The following RAI1 variants were observed in gnomAD, a reference collection of about 807,000 sequenced individuals.
RAI1 encodes retinoic acid induced 1.
Under a neutral mutation model 123.8 loss-of-function variants are expected in RAI1, and 9 were observed. The observed-to-expected ratio is 0.07, with a 90% CI of 0.04 to 0.13. The LOEUF (loss-of-function observed/expected upper bound fraction) is 0.13, where lower values mean the gene tolerates loss of function less well. Among genes scored for constraint, RAI1 ranks in the 10% least tolerant of loss-of-function variants. The pLI, the probability that RAI1 is intolerant of heterozygous loss-of-function variation, is 1.00. For synonymous variants in RAI1, 1,231 were observed against 1,127.3 expected (o/e 1.09, Z -1.84); for missense variants, 2,256 against 2,545.8 (o/e 0.89, Z 2.45).
chr17:17,721,034 TGTGAAGGGTA>T (rs1416024219), intron 1 of RAI1, among the ~76,000 whole-genome samples: 10 of 151,680 alleles, frequency 6.6e-5, no homozygotes, highest in African/African-American at 1.5e-4. Flanking sequence ...ATCTGGAATC[TGTGAAGGGTA>T]CTCACTGAGC....
At chr17:17,752,378 C>CG (rs1454999987) in intron 2 of RAI1, among the ~76,000 whole-genome samples, 2 of 152,084 alleles carry the variant, frequency 1.3e-5, no homozygotes, top group African/African-American at 4.8e-5. Context: ...GACCTGTGGG[C>CG]GGGGCCCCCG....
At chr17:17,756,745 C>T (rs769636040) in intron 2 of RAI1, among the ~76,000 whole-genome samples, 9 of 152,152 alleles carry the variant, frequency 5.9e-5, no homozygotes, top group Non-Finnish European at 8.8e-5. Flanking sequence ...GTGAAGCAGA[C>T]GCTTGAGTCG....
intron 1 of RAI1, among the ~76,000 whole-genome samples, chr17:17,687,529 A>C (rs1051205695): frequency 1.3e-5 from 2 of 152,002 alleles, no homozygotes; most frequent in African/African-American, 4.8e-5. Flanking sequence ...AATCCAGTGG[A>C]GCTTGGGTTC....
chr17:17,758,048 T>C (rs1185525040), intron 2 of RAI1, among the ~76,000 whole-genome samples: 1 of 152,214 alleles, frequency 6.6e-6, no homozygotes, highest in Non-Finnish European at 1.5e-5. Flanking sequence ...AGAGACATTA[T>C]AAATCAAACG....
intron 2 of RAI1, among the ~76,000 whole-genome samples, chr17:17,740,810 T>C (rs1334957335): frequency 6.6e-6 from 1 of 152,194 alleles, no homozygotes; most frequent in African/African-American, 2.4e-5. Flanking sequence ...GATCCCGTTT[T>C]GGTTTTCGCC....
intron 4 of RAI1, among the ~76,000 whole-genome samples, chr17:17,807,005 G>T (rs934583582): frequency 6.6e-6 from 1 of 152,084 alleles, no homozygotes; most frequent in South Asian, 2.1e-4. Flanking sequence ...AGATAGCTGG[G>T]CTCAGGATCG....
chr17:17,796,445 G>A lies in RAI1; in HGVS notation c.3497G>A (p.Gly1166Asp). The A allele has an allele frequency of 1.2e-6, 2 of 1,613,044 alleles. No homozygotes were observed. Residue 1166 changes from glycine to aspartate, a missense_variant, in exon 3 of 6, where the codon GGC becomes GAC. Gly to Asp is a moderately conservative substitution (Grantham distance 94). Coordinates refer to ENST00000353383, the MANE Select transcript of RAI1 (RefSeq NM_030665.4). This position sits in a 1 kb window ranked among gnomAD's most constrained non-coding sequence, Gnocchi z 5.8. ...FHSKRRRPSE[G>D]RLPNCRATKK... Reference sequence around the variant, plus strand: ...TCCAAGCGGCGGAGGCCCTCTGAGGGCCGGCTCCCCAACTGCCGTGCCACC... The same window carrying A: ...TCCAAGCGGCGGAGGCCCTCTGAGGACCGGCTCCCCAACTGCCGTGCCACC...
chr17:17,808,781 A>G (rs1351037397), intron 4 of RAI1, among the ~76,000 whole-genome samples: 1 of 152,156 alleles, frequency 6.6e-6, no homozygotes, highest in Non-Finnish European at 1.5e-5. Context: ...CTCAATCTCC[A>G]TGATAGGCAT....
At position 17,794,232 on chromosome 17, in the gene RAI1, G is replaced by A. The variant is rs113249215; in HGVS notation, c.1284G>A (p.Ser428=). The A allele has an allele frequency of 4.7e-5, 76 of 1,613,268 alleles. No individual in the cohort carries two copies. Among genetic ancestry groups the A allele is most frequent in the South Asian group, 4.1e-4 (37 of 91,090 alleles). The stretch of plus-strand genomic sequence containing the variant: ...ACAAGCTCCCTGAGAACCTGCTGTC[G>A]GATCTCAGCCTGCAGAGCCTCACGG... ...QKDKLPENLL[S]DLSLQSLTAL... is the part of the protein sequence containing the mutation. Residue 428 remains serine, a synonymous_variant, in exon 3 of 6, where the codon TCG becomes TCA. Transcript: ENST00000353383.
chr17:17,772,060 T>C (rs2031180705), intron 2 of RAI1, among the ~76,000 whole-genome samples: 2 of 152,158 alleles, frequency 1.3e-5, no homozygotes, highest in Admixed American at 6.5e-5. Context: ...CACCTAAGGG[T>C]ATTGACCCTG....
At chr17:17,742,249 C>G (rs1409348600) in intron 2 of RAI1, among the ~76,000 whole-genome samples, 1 of 152,236 alleles carries the variant, frequency 6.6e-6, no homozygotes, top group East Asian at 1.9e-4. Flanking sequence ...CTGTCCACTC[C>G]CAGCCCAGCC....
At chr17:17,782,428 C>A (rs1047796193) in intron 2 of RAI1, among the ~76,000 whole-genome samples, 5 of 151,654 alleles carry the variant, frequency 3.3e-5, no homozygotes, top group Admixed American at 2.6e-4. Flanking sequence ...GCGGGGTGCC[C>A]GCCTGCGCGC....
At chr17:17,686,954 G>A (rs576185393) in intron 1 of RAI1, among the ~76,000 whole-genome samples, 38 of 152,258 alleles carry the variant, frequency 2.5e-4, no homozygotes, top group Non-Finnish European at 3.8e-4. Flanking sequence ...CACCCTTGAA[G>A]TCTAGGGGCC....
At chr17:17,791,297 G>A (rs1286090208) in intron 2 of RAI1, among the ~76,000 whole-genome samples, 4 of 152,188 alleles carry the variant, frequency 2.6e-5, no homozygotes, top group Non-Finnish European at 5.9e-5. Flanking sequence ...GCCCTCTGTC[G>A]CCTTCCCTGC....
rs889923269 is a variant in RAI1 at position 17,800,826 on chromosome 17, C to CT, written c.5565+2315dup. Reference sequence around the variant, plus strand: ...TCACCACCCCTTCCTGCCTCAGTGGCTTGGGGGCGCCATGCTCCTTGGAGT... The same window carrying CT: ...TCACCACCCCTTCCTGCCTCAGTGGCTTTGGGGGCGCCATGCTCCTTGGAGT... On this transcript the variant is annotated intron_variant, in intron 3 of 5. Transcript: ENST00000353383. This position sits in a 1 kb window ranked among gnomAD's most constrained non-coding sequence, Gnocchi z 4.7. Among the ~76,000 whole-genome samples the CT allele has an allele frequency of 3.9e-5, 6 of 152,234 alleles. No individual in the cohort carries two copies. The highest frequency in any genetic ancestry group is 1.4e-4 in the African/African-American group (6 of 41,458).
At chr17:17,735,032 C>T (rs1160721092) in intron 2 of RAI1, among the ~76,000 whole-genome samples, 1 of 149,822 alleles carries the variant, frequency 6.7e-6, no homozygotes, top group East Asian at 1.9e-4. Context: ...AGAAAGGTTT[C>T]AGTTTCATCC....
At chr17:17,806,676 C>T (rs1366566443) in intron 4 of RAI1, among the ~76,000 whole-genome samples, 1 of 152,254 alleles carries the variant, frequency 6.6e-6, no homozygotes. Flanking sequence ...GCTGTGCCAG[C>T]TTGTCTTTGC....
At chr17:17,774,349 C>A (rs1335993767) in intron 2 of RAI1, among the ~76,000 whole-genome samples, 1 of 152,260 alleles carries the variant, frequency 6.6e-6, no homozygotes, top group Non-Finnish European at 1.5e-5. Context: ...GGTGTTCTTT[C>A]CAAAGACTCC....
intron 2 of RAI1, among the ~76,000 whole-genome samples, chr17:17,766,638 T>C (rs1203799055): frequency 1.3e-5 from 2 of 152,210 alleles, no homozygotes; most frequent in African/African-American, 4.8e-5. Flanking sequence ...TCCCCAGCAC[T>C]GCACTGTGCG....
Sources: allele counts gnomAD v4.1 joint callset (sites outside exome capture counted in the v4.1 genomes callset), GRCh38; gene constraint gnomAD v4.1.1; non-coding constraint Gnocchi (gnomAD v3.1); transcripts MANE v1.5; gene names NCBI Gene and HGNC (gene_info 2026-07-23, HGNC 2026-07-21).